Variants in RNF213 observed in about 807,000 individuals in gnomAD.
The protein encoded by RNF213 is E3 ubiquitin-protein ligase RNF213.
A neutral mutation model predicts 514.4 loss-of-function variants in RNF213; 341 were observed. The observed-to-expected ratio is 0.66, with a 90% CI of 0.61 to 0.73. The LOEUF (loss-of-function observed/expected upper bound fraction) is 0.73. Ranked by LOEUF, RNF213 falls within the 30% of genes least tolerant of loss-of-function variation. The pLI is 0.00. For missense variants in RNF213, 5,767 were observed against 6,615.6 expected (o/e 0.87, Z 4.45); for synonymous variants, 2,655 against 2,658.2 (o/e 1.00, Z 0.04).
At position 80,287,708 on chromosome 17, in the gene RNF213, G is replaced by A. The variant is rs531167509; in HGVS notation, c.262-107G>A. The A allele has an allele frequency of 3.3e-5, 39 of 1,176,072 alleles. No individual in the cohort carries two copies. The East Asian group carries it at 4.5e-4, about 13-fold the overall frequency. The allele number at this position is 1,176,072 out of a possible 1,614,324, so 72.9% of individuals were successfully genotyped here. A position where few individuals can be genotyped will look rare whatever the true frequency, so the allele number is the denominator to read the frequency against. ...TTAACAGATGTTAGGTACTTTGGTC[G>A]AGCCAAGCTTGATGTAGTTGAGGAA... On this transcript the variant is annotated intron_variant, in intron 3 of 67. Coordinates refer to ENST00000582970, the MANE Select transcript of RNF213 (RefSeq NM_001256071.3).
intron 62 of RNF213, 102 bp downstream of exon 62, chr17:80,386,532 C>G (rs542034487): frequency 4.9e-6 from 7 of 1,443,004 alleles, no homozygotes; most frequent in African/African-American, 4.2e-5. Flanking sequence ...CTAACAGACA[C>G]TCACTCCTTC....
chr17:80,315,324 GTGA>G (rs1276140376), intron 15 of RNF213, among the ~76,000 whole-genome samples: 1 of 103,074 alleles, frequency 9.7e-6, no homozygotes, highest in Non-Finnish European at 1.8e-5. Context: ...GGTGGTGGTG[GTGA>G]TGGTGGAGGT....
intron 17 of RNF213, chr17:80,319,683 C>T: frequency 6.9e-7 from 1 of 1,441,666 alleles, no homozygotes; most frequent in Non-Finnish European, 9.1e-7. Flanking sequence ...GAAGAGACTC[C>T]AAAGGTTGAC....
intron 16 of RNF213, 113 bp from the exon 17 acceptor site, chr17:80,319,077 G>T: frequency 1.2e-6 from 2 of 1,603,838 alleles, no homozygotes; most frequent in Non-Finnish European, 8.5e-7. Context: ...CTTAAAATTG[G>T]GGGAAACAGT....
chr17:80,369,676 G>A lies in RNF213; in HGVS notation c.12325+5G>A. The A allele has an allele frequency of 1.2e-6, 2 of 1,614,166 alleles. No homozygotes were observed. The highest frequency in any genetic ancestry group is 1.7e-6 in the Non-Finnish European group (2 of 1,180,038). ...GCTTAAGAGATGCTGCCCAGAGTAG[G>A]TTGCTTTCTTCCTGTAAACCTAGCC... is the stretch of plus-strand genomic sequence containing the variant. On this transcript the variant is annotated splice_donor_5th_base_variant and intron_variant, in intron 45 of 67. Coordinates refer to ENST00000582970, the MANE Select transcript of RNF213 (RefSeq NM_001256071.3).
At chr17:80,301,211 T>C (rs2045164891) in intron 11 of RNF213, among the ~76,000 whole-genome samples, 1 of 152,224 alleles carries the variant, frequency 6.6e-6, no homozygotes, top group Admixed American at 6.5e-5. Context: ...GTGAAATCTT[T>C]GCCCATTCCT....
intron 29 of RNF213, 45 bp from the exon 30 acceptor site, chr17:80,349,725 T>G: frequency 6.2e-7 from 1 of 1,609,654 alleles, no homozygotes; most frequent in Non-Finnish European, 8.5e-7. Context: ...ACTTGCAACC[T>G]TTCCTTGAAG....
intron 3 of RNF213, 67 bp downstream of exon 3, chr17:80,273,471 C>T: frequency 6.3e-7 from 1 of 1,597,084 alleles, no homozygotes; most frequent in Non-Finnish European, 8.5e-7. Context: ...CACTGCACAG[C>T]TGCCCAGCTA....
intron 17 of RNF213, chr17:80,319,524 G>A (rs369066805): frequency 1.3e-4 from 213 of 1,612,882 alleles, no homozygotes; most frequent in East Asian, 5.8e-4. Context: ...CCTGCTGCTC[G>A]CACCATCCTG....
chr17:80,381,237 G>A (rs1013737423), intron 56 of RNF213: 9 of 604,666 alleles, frequency 1.5e-5, no homozygotes, highest in African/African-American at 1.3e-4. Context: ...CCACATCTGG[G>A]AGTAGAGAGG....
rs148165261 is a variant in RNF213 at position 80,323,561 on chromosome 17, C to T, written c.3025-1469C>T. Among the ~76,000 whole-genome samples, 615 of 152,042 alleles carry T rather than the reference C, an allele frequency of 4.0e-3. 7 individuals carry two copies. The highest frequency in any genetic ancestry group is 0.017 in the Admixed American group (257 of 15,272). On this transcript the variant is annotated intron_variant, in intron 17 of 67. Coordinates refer to ENST00000582970, the MANE Select transcript of RNF213 (RefSeq NM_001256071.3). ...TTTTTTCCCCTGTTAGACAGAGTCT[C>T]GCCCTGTTGCCCAAGCTGGAGTGCC...
Position 80,287,814 on chromosome 17 carries a change from G to C in RNF213, c.262-1G>C. 1.2e-6 allele frequency: 2 copies of C among 1,613,378 alleles called. No homozygotes were observed. The highest frequency in any genetic ancestry group is 2.2e-5 in the East Asian group (1 of 44,868). ...AAGTGAGTGTCTCTCTTTCTGTTTAGAGCAAAAAGAAGAAAAGGAAGAAGA... is the reference window on the plus strand; with the variant it reads ...AAGTGAGTGTCTCTCTTTCTGTTTACAGCAAAAAGAAGAAAAGGAAGAAGA... On this transcript the variant is annotated splice_acceptor_variant, in intron 3 of 67. Coordinates refer to ENST00000582970, the MANE Select transcript of RNF213 (RefSeq NM_001256071.3). LOFTEE classifies it high-confidence loss of function.
At chr17:80,359,185 T>C (rs1193761490) in intron 37 of RNF213, among the ~76,000 whole-genome samples, 2 of 152,036 alleles carry the variant, frequency 1.3e-5, no homozygotes, top group Admixed American at 6.5e-5. Context: ...AGCTTCCACT[T>C]CAGCTTTCAG....
At chr17:80,333,823 G>T in intron 21 of RNF213, 2 of 406,950 alleles carry the variant, frequency 4.9e-6, no homozygotes. Flanking sequence ...TAGTTACTTG[G>T]CAGGGTTATG....
Position 80,347,736 on chromosome 17 carries a change from G to T in RNF213, c.9401G>T (p.Gly3134Val). The change falls in exon 29 of 68, where the codon GGG becomes GTG. Residue 3134 changes from glycine (G) to valine (V), a missense_variant. This residue lies in a region of RNF213 where 919 missense variants were observed against 1,121.0 expected (regional missense o/e 0.82). Transcript: ENST00000582970. This position sits in a 1 kb window ranked among gnomAD's most constrained non-coding sequence, Gnocchi z 7.2. The stretch of plus-strand genomic sequence containing the variant: ...CAGAAGTACGTGGACCTCGGTCTGG[G>T]GACCCACCGCGTCAAATGTCGGGTT... Reference protein sequence around the residue: ...GGQKYVDLGLGTHRVKCRVHP... With the variant: ...GGQKYVDLGLVTHRVKCRVHP... 6.2e-7 allele frequency: 1 copy of T among 1,614,136 alleles called. No individual in the cohort carries two copies. Among genetic ancestry groups the T allele is most frequent in the Non-Finnish European group, 8.5e-7 (1 of 1,180,028 alleles).
intron 15 of RNF213, among the ~76,000 whole-genome samples, chr17:80,314,427 C>A (rs1198564580): frequency 6.0e-3 from 1 of 168 alleles, no homozygotes; most frequent in Non-Finnish European, 0.025. Flanking sequence ...GGTGGAGGTA[C>A]TGGAGGTGAT....
Position 80,354,124 on chromosome 17 carries a change from G to A in RNF213, c.10684G>A (p.Val3562Met). 6.2e-7 allele frequency: 1 copy of A among 1,614,110 alleles called. No homozygotes were observed. The highest frequency in any genetic ancestry group is 8.5e-7 in the Non-Finnish European group (1 of 1,180,032). The change falls in exon 35 of 68, where the codon GTG (valine) becomes ATG (methionine). Residue 3562 changes from valine (V) to methionine (M), a missense_variant. Physicochemically the swap from Val to Met is conservative, Grantham distance 21 (BLOSUM62 1). Transcript: ENST00000582970. ...ESCTRNMRRV[V>M]LLLGLLNEDD... ...CTGCACGCGCAATATGCGGAGGGTG[G>A]TGCTCCTCCTGGGCCTCTTGAATGA...
intron 1 of RNF213, among the ~76,000 whole-genome samples, chr17:80,261,796 G>A (rs7214019): frequency 0.53 from 81,082 of 152,028 alleles, 22,512 homozygotes; most frequent in African/African-American, 0.69. Context: ...AGGCGGGTGG[G>A]TCACCTGAGG....
At chr17:80,269,173 G>T (rs1489922812) in intron 2 of RNF213, among the ~76,000 whole-genome samples, 1 of 152,126 alleles carries the variant, frequency 6.6e-6, no homozygotes, top group African/African-American at 2.4e-5. Context: ...ACTGGATGCT[G>T]CCCACCCACA....
Sources: allele counts gnomAD v4.1 joint callset (sites outside exome capture counted in the v4.1 genomes callset), GRCh38; gene constraint gnomAD v4.1.1; regional missense constraint gnomAD v4.1.1; non-coding constraint Gnocchi (gnomAD v3.1); transcripts MANE v1.5; gene names NCBI Gene and HGNC (gene_info 2026-07-23, HGNC 2026-07-21).